Variants in MICAL2 observed in about 807,000 individuals in gnomAD.
The protein encoded by MICAL2 is microtubule associated monooxygenase, calponin and LIM domain containing 2.
A neutral mutation model predicts 127.3 loss-of-function variants in MICAL2; 77 were observed. That is an observed-to-expected ratio of 0.60 (90% CI 0.50 to 0.73). MICAL2 has a LOEUF of 0.73. Ranked by LOEUF, MICAL2 falls within the 30% of genes least tolerant of loss-of-function variation. The pLI is 0.00. For synonymous variants in MICAL2, 570 were observed against 551.1 expected (o/e 1.03, Z -0.48); for missense variants, 1,351 against 1,434.4 (o/e 0.94, Z 0.94).
At chr11:12,197,456 ATAC>A (rs1860084334) in intron 3 of MICAL2, 1 of 152,186 alleles carries the variant, frequency 6.6e-6, no homozygotes, top group Non-Finnish European at 1.5e-5. Flanking sequence ...GCTATTATTA[ATAC>A]TATTATTATT....
intron 2 of MICAL2, among the ~76,000 whole-genome samples, chr11:12,146,563 C>G (rs958223778): frequency 9.9e-5 from 15 of 152,168 alleles, no homozygotes; most frequent in Non-Finnish European, 2.1e-4. Flanking sequence ...CAGGAAACAA[C>G]AGGTGCTGGA....
At chr11:12,328,367 G>A (rs868467539) in intron 32 of MICAL2, among the ~76,000 whole-genome samples, 3 of 152,166 alleles carry the variant, frequency 2.0e-5, no homozygotes, top group Admixed American at 1.3e-4. Flanking sequence ...ATCTTGGGGC[G>A]AGGGAAGCCA....
chr11:12,115,978 C>CTTTTTT (rs1201204008), intron 1 of MICAL2, among the ~76,000 whole-genome samples: 6 of 134,692 alleles, frequency 4.5e-5, no homozygotes, highest in Non-Finnish European at 4.8e-5. Flanking sequence ...CTTTCCCTTT[C>CTTTTTT]TTTTTTTTTT....
At chr11:12,208,384 G>T (rs893203518) in intron 5 of MICAL2, 1 of 396,432 alleles carries the variant, frequency 2.5e-6, no homozygotes. Context: ...GTCCCAAGGG[G>T]TTGCTACTTT....
At position 12,140,275 on chromosome 11, in the gene MICAL2, G is replaced by A. The variant is rs187516488; in HGVS notation, c.-78+1815G>A. Among the ~76,000 whole-genome samples the A allele has an allele frequency of 2.0e-5, 3 of 152,294 alleles. No individual in the cohort carries two copies. The East Asian group carries it at 5.8e-4, about 30-fold the overall frequency. On this transcript the variant is annotated intron_variant, in intron 2 of 27. Coordinates refer to ENST00000683283, the MANE Select transcript of MICAL2 (RefSeq NM_001282663.2). ...GTCATTTCATCTTCATGATCAAGCA[G>A]GTGGACTTCTCCCATTTTACAGATG... is the stretch of plus-strand genomic sequence containing the variant.
At chr11:12,154,348 A>G (rs1853930444) in intron 2 of MICAL2, among the ~76,000 whole-genome samples, 1 of 151,898 alleles carries the variant, frequency 6.6e-6, no homozygotes, top group Non-Finnish European at 1.5e-5. Context: ...TTAGGCCTGG[A>G]GAAGATAAGA....
In MICAL2 at chr11:12,256,166, T is replaced by A. The variant is rs141710412; in HGVS notation, c.2955+416T>A. 572 of 168,288 alleles carry A rather than the reference T, an allele frequency of 3.4e-3. 5 individuals carry two copies. Among genetic ancestry groups the A allele is most frequent in the African/African-American group, 0.013 (538 of 42,132 alleles). The allele number at this position is 168,288 out of a possible 1,614,324, so 10.4% of individuals were successfully genotyped here. On this transcript the variant is annotated intron_variant, in intron 23 of 27. Coordinates refer to ENST00000683283, the MANE Select transcript of MICAL2 (RefSeq NM_001282663.2). ...AATTCTCCCTTTCTCTAAACTGGGC[T>A]GCTCGCTGCCATCACCAGGAATTTT... is the stretch of plus-strand genomic sequence containing the variant.
chr11:12,337,467 G>A (rs1938786628), intron 32 of MICAL2, among the ~76,000 whole-genome samples: 1 of 152,060 alleles, frequency 6.6e-6, no homozygotes, highest in Non-Finnish European at 1.5e-5. Context: ...GTTCTGCTCT[G>A]GTCTTAGTTA....
chr11:12,159,858 C>A (rs1209706837), intron 2 of MICAL2, among the ~76,000 whole-genome samples: 1 of 152,162 alleles, frequency 6.6e-6, no homozygotes, highest in African/African-American at 2.4e-5. Context: ...GAGTCATGCC[C>A]AAGTAAGCAC....
chr11:12,193,194 A>G (rs1358722657), intron 3 of MICAL2, among the ~76,000 whole-genome samples: 2 of 152,202 alleles, frequency 1.3e-5, no homozygotes, highest in African/African-American at 4.8e-5. Flanking sequence ...GAGAGACTTC[A>G]TAGAAAGAGA....
chr11:12,182,866 T>C (rs918680895), intron 3 of MICAL2, among the ~76,000 whole-genome samples: 4 of 152,158 alleles, frequency 2.6e-5, no homozygotes, highest in African/African-American at 9.7e-5. Context: ...ACTGGAGTGC[T>C]TGCAAGAGGG....
At chr11:12,175,750 G>T (rs1374646294) in intron 3 of MICAL2, among the ~76,000 whole-genome samples, 1 of 152,154 alleles carries the variant, frequency 6.6e-6, no homozygotes, top group Non-Finnish European at 1.5e-5. Context: ...GGTGATGAGT[G>T]TGCAGTTCTT....
intron 32 of MICAL2, among the ~76,000 whole-genome samples, chr11:12,346,209 G>T (rs1480052901): frequency 1.3e-5 from 2 of 152,178 alleles, no homozygotes; most frequent in African/African-American, 4.8e-5. Flanking sequence ...GGGAATTCCT[G>T]CACTGGCTCA....
At position 12,242,414 on chromosome 11, in the gene MICAL2, G is replaced by A. The variant is rs780205077; in HGVS notation, c.2538G>A (p.Val846=). Residue 846 remains valine, a synonymous_variant, in exon 19 of 28, where the codon GTG becomes GTA. Transcript: ENST00000683283. Reference sequence around the variant, plus strand: ...GGGTGCTGTGGCGGCTGCAGCAAGTGGAGGAAAAGATTCTCCAGGTGAGAG... The same window carrying A: ...GGGTGCTGTGGCGGCTGCAGCAAGTAGAGGAAAAGATTCTCCAGGTGAGAG... The part of the protein sequence containing the change: ...LSGVLWRLQQ[V]EEKILQKRAQ... The A allele has an allele frequency of 3.1e-6, 5 of 1,607,444 alleles. No individual in the cohort carries two copies. The highest frequency in any genetic ancestry group is 4.3e-6 in the Non-Finnish European group (5 of 1,175,622).
chr11:12,294,056 C>T (rs1017144599), downstream of MICAL2: 10 of 1,613,976 alleles, frequency 6.2e-6, no homozygotes, highest in South Asian at 3.3e-5. Flanking sequence ...AGCTGGGGAG[C>T]GAATTTCCCA....
chr11:12,313,218 T>G (rs1176197769), intron 29 of MICAL2, among the ~76,000 whole-genome samples: 1 of 149,432 alleles, frequency 6.7e-6, no homozygotes, highest in African/African-American at 2.5e-5. Flanking sequence ...CAAGTCAGAT[T>G]ATTTCTTTAT....
intron 29 of MICAL2, among the ~76,000 whole-genome samples, chr11:12,306,860 C>G (rs1021591868): frequency 1.3e-5 from 2 of 152,100 alleles, no homozygotes; most frequent in African/African-American, 4.8e-5. Context: ...ATCCATTTAC[C>G]AGTTGATAGA....
chr11:12,357,620 C>T (rs35434027), intron 34 of MICAL2, among the ~76,000 whole-genome samples: 22,006 of 152,102 alleles, frequency 0.14, 2,130 homozygotes, highest in Non-Finnish European at 0.22. Flanking sequence ...GGGCTGATCA[C>T]TAGGTCAGGA....
chr11:12,358,216 C>T, intron 34 of MICAL2: 1 of 1,387,344 alleles, frequency 7.2e-7, no homozygotes, highest in South Asian at 1.3e-5. Flanking sequence ...AAGTCCATAA[C>T]AATCGAGAAT....
Sources: gnomAD v4.1 joint callset for allele counts (sites outside exome capture counted in the v4.1 genomes callset) on GRCh38, gnomAD v4.1.1 for gene constraint, MANE v1.5 for transcripts, NCBI Gene and HGNC (gene_info 2026-07-23, HGNC 2026-07-21) for gene names.